The following IGSF9B variants were observed in gnomAD, a reference collection of about 807,000 sequenced individuals.
IGSF9B encodes the protein immunoglobulin superfamily member 9B, also known as protein turtle homolog B.
IGSF9B carries 48 observed loss-of-function variants against 143.7 expected under a neutral mutation model. The observed-to-expected ratio is 0.33, with a 90% CI of 0.26 to 0.42. The LOEUF (loss-of-function observed/expected upper bound fraction) is 0.42. Ranked by LOEUF, IGSF9B falls within the 20% of genes least tolerant of loss-of-function variation. The pLI, the probability that IGSF9B is intolerant of heterozygous loss-of-function variation, is 1.00. For synonymous variants in IGSF9B, 903 were observed against 833.1 expected (o/e 1.08, Z -1.44); for missense variants, 1,706 against 1,980.0 (o/e 0.86, Z 2.63).
In IGSF9B at chr11:133,946,042, C is replaced by T. The variant is rs1239099904; in HGVS notation, c.262+19G>A. 11 of 1,513,134 alleles carry T rather than the reference C, an allele frequency of 7.3e-6. No homozygotes were observed. Among genetic ancestry groups the T allele is most frequent in the Non-Finnish European group, 9.8e-6 (11 of 1,122,496 alleles). 93.7% of individuals were successfully genotyped at this position (1,513,134 alleles called of 1,614,324 possible). A position where few individuals can be genotyped will look rare whatever the true frequency, so the allele number is the denominator to read the frequency against. On this transcript the variant is annotated intron_variant, in intron 2 of 19. Coordinates refer to ENST00000533871, the MANE Select transcript of IGSF9B (RefSeq NM_001277285.4). Reference sequence around the variant, plus strand: ...CTCCAGCTGGGGAAGGTGCGGGAGACCGGGTGCCCAGACCTTACCTGCATA... The same window carrying T: ...CTCCAGCTGGGGAAGGTGCGGGAGATCGGGTGCCCAGACCTTACCTGCATA...
chr11:133,952,070 C>T (rs1400474419), intron 1 of IGSF9B: 1 of 455,522 alleles, frequency 2.2e-6, no homozygotes, highest in Non-Finnish European at 4.4e-6. Flanking sequence ...GACAGTCAGG[C>T]CGGCTGAGAC....
intron 3 of IGSF9B, among the ~76,000 whole-genome samples, chr11:133,939,694 A>G (rs949068698): frequency 2.0e-5 from 3 of 152,268 alleles, no homozygotes; most frequent in Non-Finnish European, 4.4e-5. Flanking sequence ...TGGCCACTGA[A>G]TGAATGCAGG....
At position 133,906,318 on chromosome 11, in the gene IGSF9B, G is replaced by A. The variant is rs1021499103; in HGVS notation, c.*2751C>T. Among the ~76,000 whole-genome samples, 14 of 152,214 alleles carry A rather than the reference G, an allele frequency of 9.2e-5. No homozygotes were observed. Among genetic ancestry groups the A allele is most frequent in the African/African-American group, 2.2e-4 (9 of 41,446 alleles). ...ACCCTCTATCCACGGAGGGAACTGCGTTCCACCAATCCCATCGCCGTCCAC... is the reference window on the plus strand; with the variant it reads ...ACCCTCTATCCACGGAGGGAACTGCATTCCACCAATCCCATCGCCGTCCAC... On this transcript the variant is annotated 3_prime_UTR_variant, in exon 20 of 20. Coordinates refer to ENST00000533871, the MANE Select transcript of IGSF9B (RefSeq NM_001277285.4).
chr11:133,932,241 G>GCAGACAGACAGACACAGGGA lies in IGSF9B; in HGVS notation c.968-48_968-29dup, dbSNP rs754016271. ...GCATAGAGGAAGCGCAGGTGAGAGA[G>GCAGACAGACAGACACAGGGA]CAGACAGACAGACACAGGGACAGAC... On this transcript the variant is annotated intron_variant, in intron 7 of 19. Transcript: ENST00000533871. 1.2e-5 allele frequency: 18 copies of GCAGACAGACAGACACAGGGA among 1,537,146 alleles called. 1 individual carries two copies. Among genetic ancestry groups the GCAGACAGACAGACACAGGGA allele is most frequent in the South Asian group, 9.7e-5 (8 of 82,596 alleles).
intron 15 of IGSF9B, 65 bp downstream of exon 15, chr11:133,924,755 T>A: frequency 7.6e-7 from 1 of 1,322,248 alleles, no homozygotes; most frequent in Non-Finnish European, 1.1e-6. Context: ...TTTCACAAAA[T>A]GACCCCCATG....
Position 133,931,063 on chromosome 11 carries a change from C to T in IGSF9B, c.1440G>A (p.Lys480=). 1 of 1,613,810 alleles carries T rather than the reference C, an allele frequency of 6.2e-7. No individual in the cohort carries two copies. Among genetic ancestry groups the T allele is most frequent in the Non-Finnish European group, 8.5e-7 (1 of 1,179,808 alleles). ...CACATTCCCACTCCCCGTGGTCCTC[C>T]TTACTCAGGGCACGGAACTGCAGGC... is the stretch of plus-strand genomic sequence containing the variant. ...SGSLQFRALS[K]EDHGEWECVA... The change falls in exon 11 of 20, where the codon AAG becomes AAA. Residue 480 remains lysine (K), a synonymous_variant. Transcript: ENST00000533871. The surrounding 1 kb of genome is among the most constrained non-coding windows in gnomAD (Gnocchi z 7.7).
chr11:133,932,482 C>A (rs1478962599), intron 7 of IGSF9B, among the ~76,000 whole-genome samples: 1 of 132,930 alleles, frequency 7.5e-6, no homozygotes, highest in African/African-American at 3.0e-5. Context: ...CACAGGGAAG[C>A]CAGGTGAGAG....
intron 3 of IGSF9B, among the ~76,000 whole-genome samples, chr11:133,942,871 C>T (rs1309565363): frequency 6.6e-6 from 1 of 152,218 alleles, no homozygotes; most frequent in African/African-American, 2.4e-5. Context: ...AGGAGCCAGC[C>T]ACCTCCCACA....
At position 133,953,742 on chromosome 11, in the gene IGSF9B, T is replaced by C. The variant is rs1243062458; in HGVS notation, c.64+2949A>G. Among the ~76,000 whole-genome samples, 1 of 151,960 alleles carries C rather than the reference T, an allele frequency of 6.6e-6. No individual in the cohort carries two copies. The highest frequency in any genetic ancestry group is 1.5e-5 in the Non-Finnish European group (1 of 67,984). The stretch of plus-strand genomic sequence containing the variant: ...TTCCTCCCCTATCCAAGGTCCACAA[T>C]CAGCTAAGCACGGCCCAGGGTCCTC... On this transcript the variant is annotated intron_variant, in intron 1 of 19. Coordinates refer to ENST00000533871, the MANE Select transcript of IGSF9B (RefSeq NM_001277285.4). This position sits in a 1 kb window ranked among gnomAD's most constrained non-coding sequence, Gnocchi z 4.2.
Position 133,931,564 on chromosome 11 carries a change from G to T in IGSF9B, c.1257C>A (p.Pro419=), listed in dbSNP as rs891304605. ...AGCCTGGTAGCACCGTGAAATAGGG[G>T]GGGTCCTGGGGAGGAAAGCACAGGC... ...SAPARLVLKD[P]PYFTVLPGWE... is the part of the protein sequence containing the mutation. The change falls in exon 10 of 20, where the codon CCC becomes CCA. Residue 419 remains proline, a synonymous_variant. Transcript: ENST00000533871. The surrounding 1 kb of genome is among the most constrained non-coding windows in gnomAD (Gnocchi z 7.7). The T allele has an allele frequency of 2.5e-6, 4 of 1,613,084 alleles. No homozygotes were observed. Among genetic ancestry groups the T allele is most frequent in the Admixed American group, 1.7e-5 (1 of 59,956 alleles).
rs767208264 is a variant in IGSF9B at position 133,909,039 on chromosome 11, C to T, written c.*30G>A. ...CCTCCCTGCCTGAGCCCAGCAACCTCGCCCCGGGGACACCTAGAGTGGGGT... is the reference window on the plus strand; with the variant it reads ...CCTCCCTGCCTGAGCCCAGCAACCTTGCCCCGGGGACACCTAGAGTGGGGT... On this transcript the variant is annotated 3_prime_UTR_variant, in exon 20 of 20. Transcript: ENST00000533871. The surrounding 1 kb of genome is among the most constrained non-coding windows in gnomAD (Gnocchi z 4.2). The T allele has an allele frequency of 1.1e-4, 169 of 1,524,620 alleles. No homozygotes were observed. Among genetic ancestry groups the T allele is most frequent in the Middle Eastern group, 1.8e-4 (1 of 5,440 alleles). 94.4% of individuals were successfully genotyped at this position (1,524,620 alleles called of 1,614,324 possible).
chr11:133,919,129 T>TGTGGGGGGGGGGGGG (rs1939458088), intron 18 of IGSF9B: 5 of 175,920 alleles, frequency 2.8e-5, no homozygotes, highest in Non-Finnish European at 4.4e-5. Context: ...GGGGGGGGGG[T>TGTGGGGGGGGGGGGG]GGGGGACGTG....
chr11:133,905,622 A>G lies in IGSF9B; in HGVS notation c.*3447T>C, dbSNP rs1484221276. Among the ~76,000 whole-genome samples the G allele has an allele frequency of 2.0e-5, 3 of 152,252 alleles. No homozygotes were observed. ...CCCCCAAGCGCATGGTTGTGGGACTAAGCACCTCAAAGGAGGGCACAGACC... is the reference window on the plus strand; with the variant it reads ...CCCCCAAGCGCATGGTTGTGGGACTGAGCACCTCAAAGGAGGGCACAGACC... On this transcript the variant is annotated 3_prime_UTR_variant, in exon 20 of 20. Coordinates refer to ENST00000533871, the MANE Select transcript of IGSF9B (RefSeq NM_001277285.4). The surrounding 1 kb of genome is among the most constrained non-coding windows in gnomAD (Gnocchi z 4.0).
At chr11:133,933,870 G>A (rs1777840151) in intron 7 of IGSF9B, among the ~76,000 whole-genome samples, 1 of 152,138 alleles carries the variant, frequency 6.6e-6, no homozygotes, top group African/African-American at 2.4e-5. Context: ...AGGCAGTGAG[G>A]ATGAATGAGC....
In IGSF9B at chr11:133,948,438, A is replaced by G. The variant is rs1011861167; in HGVS notation, c.65-2180T>C. Among the ~76,000 whole-genome samples, 3 of 152,012 alleles carry G rather than the reference A, an allele frequency of 2.0e-5. No individual in the cohort carries two copies. The highest frequency in any genetic ancestry group is 7.3e-5 in the African/African-American group (3 of 41,374). On this transcript the variant is annotated intron_variant, in intron 1 of 19. Transcript: ENST00000533871. The surrounding 1 kb of genome is among the most constrained non-coding windows in gnomAD (Gnocchi z 4.7). ...CCCACCCCCAACCTTGCTTCAGGCTAAGTTTGCAACCCAGCCCCTCAGGGA... is the reference window on the plus strand; with the variant it reads ...CCCACCCCCAACCTTGCTTCAGGCTGAGTTTGCAACCCAGCCCCTCAGGGA...
chr11:133,929,142 C>T, intron 12 of IGSF9B, among the ~76,000 whole-genome samples: 1 of 152,156 alleles, frequency 6.6e-6, no homozygotes, highest in South Asian at 2.1e-4. Context: ...ACACAAAGGA[C>T]AAATGTTTGA....
rs535216066 is a variant in IGSF9B, at chr11:133,907,147, T to A, written c.*1922A>T. The stretch of plus-strand genomic sequence containing the variant: ...AAGCCCCTGCGTGCCTCTCTCACCA[T>A]GACCCCTTCAGATGTGTTCAGAAAG... On this transcript the variant is annotated 3_prime_UTR_variant, in exon 20 of 20. Coordinates refer to ENST00000533871, the MANE Select transcript of IGSF9B (RefSeq NM_001277285.4). Among the ~76,000 whole-genome samples, 2 of 152,166 alleles carry A rather than the reference T, an allele frequency of 1.3e-5. No homozygotes were observed. The highest frequency in any genetic ancestry group is 4.8e-5 in the African/African-American group (2 of 41,442).
intron 2 of IGSF9B, 38 bp from the exon 3 acceptor site, chr11:133,944,404 C>A (rs754051888): frequency 1.2e-5 from 20 of 1,607,092 alleles, no homozygotes; most frequent in Non-Finnish European, 1.4e-5. Context: ...CACAGGCCAT[C>A]AGGTAAGGAC....
Position 133,905,532 on chromosome 11 carries a change from A to C in IGSF9B, c.*3537T>G, listed in dbSNP as rs887452984. The stretch of plus-strand genomic sequence containing the variant: ...AAATATTTTAGATCACAAATCAAAA[A>C]TAAAGACAGAGAGCATGGAAAAATA... On this transcript the variant is annotated 3_prime_UTR_variant, in exon 20 of 20. Coordinates refer to ENST00000533871, the MANE Select transcript of IGSF9B (RefSeq NM_001277285.4). This position sits in a 1 kb window ranked among gnomAD's most constrained non-coding sequence, Gnocchi z 4.0. Among the ~76,000 whole-genome samples the C allele has an allele frequency of 1.3e-4, 20 of 152,258 alleles. No individual in the cohort carries two copies. The highest frequency in any genetic ancestry group is 1.1e-3 in the Admixed American group (17 of 15,290).
Sources: allele counts gnomAD v4.1 joint callset (sites outside exome capture counted in the v4.1 genomes callset), GRCh38; gene constraint gnomAD v4.1.1; non-coding constraint Gnocchi (gnomAD v3.1); transcripts MANE v1.5; gene names NCBI Gene and HGNC (gene_info 2026-07-23, HGNC 2026-07-21).